PEX5L: variants seen among roughly 807,000 people sequenced by gnomAD.
PEX5L encodes the protein PEX5-related protein.
PEX5L carries 30 observed loss-of-function variants against 84.0 expected under a neutral mutation model. That is an observed-to-expected ratio of 0.36 (90% confidence interval 0.27 to 0.48). PEX5L has a LOEUF of 0.48. Ranked by LOEUF, PEX5L falls within the 20% of genes least tolerant of loss-of-function variation. PEX5L has a pLI of 0.99. For synonymous variants in PEX5L, 270 were observed against 283.1 expected (o/e 0.95, Z 0.46); for missense variants, 533 against 754.6 (o/e 0.71, Z 3.44).
At chr3:179,811,513 A>G (rs986823286) in intron 11 of PEX5L, among the ~76,000 whole-genome samples, 1 of 152,168 alleles carries the variant, frequency 6.6e-6, no homozygotes, top group African/African-American at 2.4e-5. Flanking sequence ...AAAACGTTAA[A>G]AGGAACTATT....
intron 1 of PEX5L, among the ~76,000 whole-genome samples, chr3:180,017,475 C>A (rs1790042891): frequency 6.6e-6 from 1 of 152,060 alleles, no homozygotes; most frequent in Non-Finnish European, 1.5e-5. Flanking sequence ...ATTTTAAAAA[C>A]CATTCTATTT....
At chr3:179,881,888 G>A (rs543612805) in intron 4 of PEX5L, among the ~76,000 whole-genome samples, 1 of 152,308 alleles carries the variant, frequency 6.6e-6, no homozygotes, top group East Asian at 1.9e-4. Context: ...CCTGAGATAC[G>A]AGGGATGTTT....
chr3:179,853,180 T>A (rs1275336448), intron 8 of PEX5L, among the ~76,000 whole-genome samples: 1 of 152,172 alleles, frequency 6.6e-6, no homozygotes, highest in Non-Finnish European at 1.5e-5. Context: ...TTCACCTTAA[T>A]TACTCCTTAA....
At chr3:179,966,202 C>T (rs570935878) in intron 2 of PEX5L, among the ~76,000 whole-genome samples, 6 of 152,244 alleles carry the variant, frequency 3.9e-5, no homozygotes, top group African/African-American at 7.2e-5. Flanking sequence ...CTGTGTCCTT[C>T]GAATGTCTCA....
At chr3:179,804,287 TG>T (rs763188175) in intron 14 of PEX5L, 3 of 152,170 alleles carry the variant, frequency 2.0e-5, no homozygotes, top group Non-Finnish European at 4.4e-5. Context: ...AGTTTTCAAA[TG>T]TTTCACACAT....
rs368554953 is a variant in PEX5L, at chr3:179,925,320, C to T, written c.94-27074G>A. 2.0e-4 allele frequency among the ~76,000 whole-genome samples: 31 copies of T among 152,006 alleles called. 1 individual carries two copies. Among genetic ancestry groups the T allele is most frequent in the East Asian group, 1.7e-3 (9 of 5,174 alleles). On this transcript the variant is annotated intron_variant, in intron 2 of 14. Transcript: ENST00000467460. ...CTACTCCCCATCTGCCTAGCTCACC[C>T]GTCCATCATGCCCTATCCATAAACA...
At chr3:179,976,867 C>T (rs1785850018) in intron 1 of PEX5L, among the ~76,000 whole-genome samples, 1 of 151,856 alleles carries the variant, frequency 6.6e-6, no homozygotes, top group African/African-American at 2.4e-5. Flanking sequence ...AGATACTGAT[C>T]ATGTTTATAA....
chr3:179,940,581 A>G (rs1223123387), intron 2 of PEX5L, among the ~76,000 whole-genome samples: 1 of 152,176 alleles, frequency 6.6e-6, no homozygotes, highest in Non-Finnish European at 1.5e-5. Context: ...CTGCATGAAG[A>G]GAGAACCATG....
At chr3:179,982,219 G>A (rs929467467) in intron 1 of PEX5L, among the ~76,000 whole-genome samples, 10 of 152,036 alleles carry the variant, frequency 6.6e-5, no homozygotes, top group South Asian at 2.1e-4. Context: ...AATGTTATCC[G>A]CTTACTCAAA....
intron 1 of PEX5L, among the ~76,000 whole-genome samples, chr3:180,001,582 T>C (rs558979430): frequency 2.6e-5 from 4 of 152,084 alleles, no homozygotes; most frequent in African/African-American, 9.6e-5. Context: ...GGACAGAGGG[T>C]TGATAAACAG....
intron 2 of PEX5L, among the ~76,000 whole-genome samples, chr3:179,942,486 G>A (rs1024844467): frequency 6.6e-6 from 1 of 152,242 alleles, no homozygotes; most frequent in East Asian, 1.9e-4. Flanking sequence ...CAAGGCCCCA[G>A]CGCTTCTGCA....
intron 8 of PEX5L, among the ~76,000 whole-genome samples, chr3:179,840,824 C>A (rs940598455): frequency 3.3e-5 from 5 of 152,072 alleles, no homozygotes; most frequent in Non-Finnish European, 7.4e-5. Flanking sequence ...GGGGTAGGAA[C>A]TGGCGTGAGA....
intron 2 of PEX5L, among the ~76,000 whole-genome samples, chr3:179,923,023 C>T (rs1008078079): frequency 2.0e-5 from 3 of 151,948 alleles, no homozygotes; most frequent in Admixed American, 6.6e-5. Flanking sequence ...GGCACAGTGG[C>T]TCACGCCTGT....
chr3:180,005,101 T>C (rs567791524), intron 1 of PEX5L, among the ~76,000 whole-genome samples: 1 of 152,282 alleles, frequency 6.6e-6, no homozygotes, highest in African/African-American at 2.4e-5. Flanking sequence ...TTATAACATA[T>C]AGCAGGAATG....
At chr3:179,841,286 A>C (rs1160968237) in intron 8 of PEX5L, among the ~76,000 whole-genome samples, 1 of 151,946 alleles carries the variant, frequency 6.6e-6, no homozygotes, top group African/African-American at 2.4e-5. Flanking sequence ...GTACATTTGC[A>C]TGTATTCTTC....
chr3:179,920,027 T>C (rs1490526181), intron 2 of PEX5L, among the ~76,000 whole-genome samples: 2 of 152,146 alleles, frequency 1.3e-5, no homozygotes, highest in African/African-American at 2.4e-5. Flanking sequence ...AGTAGTTAAG[T>C]TTAGAAGTGC....
At chr3:179,908,114 C>T (rs1028973734) in intron 2 of PEX5L, among the ~76,000 whole-genome samples, 2 of 152,204 alleles carry the variant, frequency 1.3e-5, no homozygotes, top group African/African-American at 4.8e-5. Context: ...ACTCTGGCAC[C>T]TCTGCTTATC....
intron 5 of PEX5L, among the ~76,000 whole-genome samples, chr3:179,879,529 G>A (rs924083733): frequency 2.6e-5 from 4 of 152,158 alleles, no homozygotes; most frequent in African/African-American, 4.8e-5. Flanking sequence ...TCCCAAACAC[G>A]TTTGTGACAT....
At chr3:179,822,035 T>C (rs994065517) in intron 8 of PEX5L, among the ~76,000 whole-genome samples, 7 of 152,242 alleles carry the variant, frequency 4.6e-5, no homozygotes, top group African/African-American at 1.7e-4. Flanking sequence ...TATTAGATAC[T>C]AAAAACTTTG....
Sources: gnomAD v4.1 joint callset for allele counts (sites outside exome capture counted in the v4.1 genomes callset) on GRCh38, gnomAD v4.1.1 for gene constraint, MANE v1.5 for transcripts, NCBI Gene and HGNC (gene_info 2026-07-23, HGNC 2026-07-21) for gene names.